The following PCDH11X variants were observed in gnomAD, a reference collection of about 807,000 sequenced individuals.
PCDH11X encodes the protein protocadherin 11 X-linked.
A neutral mutation model predicts 53.3 loss-of-function variants in PCDH11X; 18 were observed. That is an observed-to-expected ratio of 0.34 (90% CI 0.23 to 0.50). The LOEUF (loss-of-function observed/expected upper bound fraction) is 0.50, where lower values mean the gene tolerates loss of function less well. PCDH11X is among the 20% of genes least tolerant of loss of function. The pLI, the probability that PCDH11X is intolerant of heterozygous loss-of-function variation, is 0.98. For missense variants in PCDH11X, 570 were observed against 1,032.4 expected, an observed-to-expected ratio of 0.55 and a Z score of 6.14; for synonymous variants, 279 against 393.3, an observed-to-expected ratio of 0.71 and a Z score of 3.44.
chrX:92,275,543 G>T (rs760821506), intron 8 of PCDH11X, among the ~76,000 whole-genome samples: 6 of 111,365 alleles, frequency 5.4e-5, no homozygotes, highest in African/African-American at 2.0e-4. Flanking sequence ...AGTAAAGAAA[G>T]CATGTTTGAG....
At chrX:91,931,678 C>T (rs1351696288) in intron 6 of PCDH11X, among the ~76,000 whole-genome samples, 2 of 109,422 alleles carry the variant, frequency 1.8e-5, no homozygotes, top group African/African-American at 6.6e-5. Context: ...GGTCTTTTGT[C>T]AGGAGTTGAG....
intron 6 of PCDH11X, among the ~76,000 whole-genome samples, chrX:92,102,248 G>A (rs1020674478): frequency 4.5e-5 from 5 of 111,230 alleles, no homozygotes; most frequent in Non-Finnish European, 9.4e-5. Flanking sequence ...GATTTTGGAA[G>A]TTATGAGAAA....
chrX:92,603,885 T>C (rs1439156423), intron 10 of PCDH11X, among the ~76,000 whole-genome samples: 1 of 106,340 alleles, frequency 9.4e-6, no homozygotes, highest in Non-Finnish European at 1.9e-5. Context: ...TATAATTTTG[T>C]TTTTTCTTTT....
intron 10 of PCDH11X, among the ~76,000 whole-genome samples, chrX:92,481,379 C>A (rs758915098): frequency 4.5e-5 from 5 of 111,403 alleles, no homozygotes; most frequent in African/African-American, 1.6e-4. Context: ...CACTCACCAG[C>A]AAGGCAATAT....
At position 91,928,942 on chromosome X, in the gene PCDH11X, T is replaced by C. The variant is rs1200911138; in HGVS notation, c.3033+49669T>C. Among the ~76,000 whole-genome samples the C allele has an allele frequency of 2.7e-5, 3 of 111,003 alleles. No homozygotes were observed. In the Admixed American group the frequency reaches 2.9e-4, roughly 11 times the overall value. ...CAAATCCTTAGGTGTAGTGTGTATA[T>C]ATAAACATTTGTTTTCGTGTAGGTA... On this transcript the variant is annotated intron_variant, in intron 6 of 10. Coordinates refer to ENST00000682573, the MANE Select transcript of PCDH11X (RefSeq NM_032968.5).
intron 10 of PCDH11X, among the ~76,000 whole-genome samples, chrX:92,507,012 A>G (rs1257306926): frequency 7.2e-5 from 8 of 110,421 alleles, no homozygotes; most frequent in African/African-American, 2.7e-4. Flanking sequence ...GGTGTTCATA[A>G]TAGTCTCTGA....
At chrX:92,465,068 G>A (rs1418203193) in intron 9 of PCDH11X, among the ~76,000 whole-genome samples, 1 of 110,775 alleles carries the variant, frequency 9.0e-6, no homozygotes, top group Non-Finnish European at 1.9e-5. Flanking sequence ...GACTGCTAGA[G>A]CCCAGGAATT....
intron 5 of PCDH11X, among the ~76,000 whole-genome samples, chrX:91,838,891 A>G (rs762307904): frequency 3.6e-5 from 4 of 110,772 alleles, no homozygotes; most frequent in African/African-American, 9.8e-5. Context: ...AAATATTTAA[A>G]TAGGTCAATT....
At chrX:92,337,848 C>T (rs1013826550) in intron 8 of PCDH11X, among the ~76,000 whole-genome samples, 16 of 111,622 alleles carry the variant, frequency 1.4e-4, no homozygotes, top group Non-Finnish European at 2.8e-4. Flanking sequence ...ATATCCACCA[C>T]TTACAGAGTG....
intron 6 of PCDH11X, among the ~76,000 whole-genome samples, chrX:92,040,038 T>G (rs2063186563): frequency 9.1e-6 from 1 of 109,458 alleles, no homozygotes; most frequent in Non-Finnish European, 1.9e-5. Flanking sequence ...CCTAGTGCCC[T>G]ATCTTATTTT....
rs775786645 is a variant in PCDH11X, at chrX:91,988,287, T to C, written c.3033+109014T>C. ...ATGTTCTCTTCCTCTTTTTCCCATA[T>C]CTAGTCCTCCCTTCTCCTCCTCATA... is the stretch of plus-strand genomic sequence containing the variant. On this transcript the variant is annotated intron_variant, in intron 6 of 10. Coordinates refer to ENST00000682573, the MANE Select transcript of PCDH11X (RefSeq NM_032968.5). Among the ~76,000 whole-genome samples, 18 of 110,414 alleles carry C rather than the reference T, an allele frequency of 1.6e-4. No individual in the cohort carries two copies. The South Asian group carries it at 7.1e-3, about 44-fold the overall frequency.
intron 6 of PCDH11X, among the ~76,000 whole-genome samples, chrX:92,145,449 G>A (rs774085039): frequency 9.0e-6 from 1 of 110,590 alleles, no homozygotes; most frequent in Non-Finnish European, 1.9e-5. Context: ...GAAAGTAATA[G>A]GAAAGGCTCT....
intron 10 of PCDH11X, among the ~76,000 whole-genome samples, chrX:92,606,481 A>G (rs898766224): frequency 9.3e-6 from 1 of 107,254 alleles, no homozygotes; most frequent in African/African-American, 3.4e-5. Flanking sequence ...ATGCAAAAGG[A>G]TAATTTTTAG....
At chrX:92,331,372 T>TTCCTCCTCCTCCTCCTCC (rs778767931) in intron 8 of PCDH11X, among the ~76,000 whole-genome samples, 4 of 83,415 alleles carry the variant, frequency 4.8e-5, no homozygotes, top group African/African-American at 1.8e-4. Context: ...CCTCCTCCTT[T>TTCCTCCTCCTCCTCCTCC]TCCTCCTCCT....
intron 6 of PCDH11X, among the ~76,000 whole-genome samples, chrX:91,898,013 C>A (rs1940813664): frequency 9.0e-6 from 1 of 111,222 alleles, no homozygotes; most frequent in Non-Finnish European, 1.9e-5. Flanking sequence ...CAGGTTTTAG[C>A]TGCATGGTCT....
chrX:92,168,576 C>T (rs1277831238), intron 6 of PCDH11X, among the ~76,000 whole-genome samples: 2 of 109,998 alleles, frequency 1.8e-5, no homozygotes, highest in African/African-American at 6.6e-5. Flanking sequence ...ACGAAAAACC[C>T]CCAACTATAT....
intron 4 of PCDH11X, among the ~76,000 whole-genome samples, chrX:91,816,831 T>G (rs1936467584): frequency 9.1e-6 from 1 of 109,617 alleles, no homozygotes; most frequent in African/African-American, 3.3e-5. Flanking sequence ...GTGCATGCAT[T>G]TCTGATATTG....
At chrX:92,125,840 CTT>C (rs1382760296) in intron 6 of PCDH11X, among the ~76,000 whole-genome samples, 1 of 109,853 alleles carries the variant, frequency 9.1e-6, no homozygotes, top group African/African-American at 3.3e-5. Flanking sequence ...TAAAAGTAAA[CTT>C]GAGGCTGGGC....
At chrX:92,252,137 C>G (rs1369527190) in intron 7 of PCDH11X, among the ~76,000 whole-genome samples, 1 of 111,014 alleles carries the variant, frequency 9.0e-6, no homozygotes, top group African/African-American at 3.3e-5. Flanking sequence ...CACCAGCACT[C>G]TAAGTTGATA....
Sources: allele counts gnomAD v4.1 joint callset (sites outside exome capture counted in the v4.1 genomes callset), GRCh38; gene constraint gnomAD v4.1.1; transcripts MANE v1.5; gene names NCBI Gene and HGNC (gene_info 2026-07-23, HGNC 2026-07-21).